FAT2: variants seen among roughly 807,000 people sequenced by gnomAD.
FAT2 encodes the protein FAT atypical cadherin 2, also known as protocadherin Fat 2.
FAT2 carries 150 observed loss-of-function variants against 295.3 expected under a neutral mutation model. The observed-to-expected ratio is 0.51, with a 90% CI of 0.44 to 0.58. The LOEUF is 0.58. Among genes scored for constraint, FAT2 ranks in the 20% least tolerant of loss-of-function variants. The pLI, the probability that FAT2 is intolerant of heterozygous loss-of-function variation, is 0.00. For synonymous variants in FAT2, 2,026 were observed against 2,150.3 expected (o/e 0.94, Z 1.60); for missense variants, 4,868 against 5,442.7 (o/e 0.89, Z 3.32).
intron 3 of FAT2, among the ~76,000 whole-genome samples, chr5:151,560,068 T>C (rs1302944761): frequency 6.6e-6 from 1 of 152,200 alleles, no homozygotes. Context: ...GTTTTCCAAC[T>C]GTTGTTGATT....
chr5:151,530,923 A>G (rs1754523951), intron 14 of FAT2, among the ~76,000 whole-genome samples: 1 of 152,162 alleles, frequency 6.6e-6, no homozygotes, highest in Admixed American at 6.6e-5. Context: ...AATTTTAAAA[A>G]ATATTGCTCA....
chr5:151,573,477 A>G (rs1014005733), intron 1 of FAT2, among the ~76,000 whole-genome samples: 12 of 151,996 alleles, frequency 7.9e-5, no homozygotes, highest in African/African-American at 2.9e-4. Flanking sequence ...AACATGGTGA[A>G]ACTCCGTCTC....
chr5:151,579,901 T>C lies in FAT2; in HGVS notation c.-20-10950A>G, dbSNP rs148860666. 2.8e-3 allele frequency among the ~76,000 whole-genome samples: 420 copies of C among 152,284 alleles called. 2 individuals carry two copies. The highest frequency in any genetic ancestry group is 5.2e-3 in the Admixed American group (80 of 15,308). On this transcript the variant is annotated intron_variant, in intron 1 of 23. Transcript: ENST00000261800. ...TTTTATAACTATCATTCTTCTTATG[T>C]TAAGCAGATTGAAATAGACCTGCTA...
Position 151,549,282 on chromosome 5 carries a change from C to T in FAT2, c.4789+13G>A, listed in dbSNP as rs569253629. 2 of 1,611,334 alleles carry T rather than the reference C, an allele frequency of 1.2e-6. No individual in the cohort carries two copies. Among genetic ancestry groups the T allele is most frequent in the South Asian group, 2.2e-5 (2 of 90,792 alleles). ...CTTGACCCATCCTCTGAGCTCATGG[C>T]CAGGCCTCTCACCTTTCAGGAGGGA... On this transcript the variant is annotated intron_variant, in intron 9 of 23. Transcript: ENST00000261800.
At chr5:151,527,030 G>T (rs1423100040) in intron 17 of FAT2, among the ~76,000 whole-genome samples, 4 of 152,238 alleles carry the variant, frequency 2.6e-5, no homozygotes, top group African/African-American at 9.6e-5. Context: ...TCTCAAATGA[G>T]GTAATGGATA....
chr5:151,576,648 T>C (rs921473158), intron 1 of FAT2, among the ~76,000 whole-genome samples: 3 of 152,200 alleles, frequency 2.0e-5, no homozygotes, highest in Non-Finnish European at 4.4e-5. Context: ...CACTTAACGA[T>C]GGGAATACAT....
intron 1 of FAT2, among the ~76,000 whole-genome samples, chr5:151,579,028 C>T (rs1172359533): frequency 6.6e-6 from 1 of 152,068 alleles, no homozygotes. Context: ...ATAAAATTTC[C>T]ATTTGGAGTT....
At chr5:151,524,358 G>A (rs953780248) in intron 18 of FAT2, among the ~76,000 whole-genome samples, 4 of 152,118 alleles carry the variant, frequency 2.6e-5, no homozygotes, top group Admixed American at 2.6e-4. Flanking sequence ...AAATTCATAT[G>A]TTAAAATCTA....
chr5:151,515,354 T>C (rs1180947922), intron 20 of FAT2, among the ~76,000 whole-genome samples: 1 of 152,218 alleles, frequency 6.6e-6, no homozygotes, highest in Non-Finnish European at 1.5e-5. Flanking sequence ...CTCTCTTCAA[T>C]CTACATTGCT....
At chr5:151,574,256 T>C (rs1405266703) in intron 1 of FAT2, among the ~76,000 whole-genome samples, 1 of 152,110 alleles carries the variant, frequency 6.6e-6, no homozygotes, top group Non-Finnish European at 1.5e-5. Flanking sequence ...CCGTGGACCT[T>C]TTTTCTCATC....
chr5:151,568,503 G>T lies in FAT2; in HGVS notation c.429C>A (p.Asp143Glu), dbSNP rs772160144. 6.2e-7 allele frequency: 1 copy of T among 1,614,160 alleles called. No individual in the cohort carries two copies. The highest frequency in any genetic ancestry group is 8.5e-7 in the Non-Finnish European group (1 of 1,180,034). Residue 143 changes from aspartate (D) to glutamate (E), a missense_variant, in exon 2 of 24, where the codon GAC becomes GAA. Transcript: ENST00000261800. Reference protein sequence around the residue: ...RVVVHILDQNDLKPLFSPPSY... With the variant: ...RVVVHILDQNELKPLFSPPSY... ...AAGGTGGAGAGAAGAGAGGCTTCAG[G>T]TCATTCTGGTCCAGGATGTGGACCA...
In FAT2 at chr5:151,512,829, G is replaced by C. The variant is rs147044570; in HGVS notation, c.11464-223C>G. ...ACCCCATGGGATGGTCTGGGTAGGG[G>C]GTGACATCTCCATTCACAGATGAGG... On this transcript the variant is annotated intron_variant, in intron 20 of 23. Coordinates refer to ENST00000261800, the MANE Select transcript of FAT2 (RefSeq NM_001447.3). The surrounding 1 kb of genome is among the most constrained non-coding windows in gnomAD (Gnocchi z 4.1). The C allele has an allele frequency of 4.6e-3, 2,632 of 569,158 alleles. 54 individuals carry two copies. The highest frequency in any genetic ancestry group is 0.043 in the African/African-American group (2,301 of 53,556). The allele number at this position is 569,158 out of a possible 1,614,324, so 35.3% of individuals were successfully genotyped here. A position where few individuals can be genotyped will look rare whatever the true frequency, so the allele number is the denominator to read the frequency against.
At position 151,567,247 on chromosome 5, in the gene FAT2, G is replaced by A; in HGVS notation, c.1685C>T (p.Pro562Leu). Residue 562 changes from proline to leucine, a missense_variant, in exon 2 of 24, where the codon CCT becomes CTT. By Grantham distance (98) the Pro-to-Leu change is moderately conservative (BLOSUM62 -3). Transcript: ENST00000261800. ...TGTACAGTTGACTTCTTCAAACATA[G>A]GCTGGTTGTCATTCAAGTTCCTGAG... ...LQLRNLNDNQ[P>L]MFEEVNCTGS... is the part of the protein sequence containing the mutation. 2 of 1,614,138 alleles carry A rather than the reference G, an allele frequency of 1.2e-6. No homozygotes were observed. The highest frequency in any genetic ancestry group is 1.7e-6 in the Non-Finnish European group (2 of 1,180,030).
At chr5:151,524,011 G>T (rs530047971) in intron 18 of FAT2, among the ~76,000 whole-genome samples, 1 of 152,012 alleles carries the variant, frequency 6.6e-6, no homozygotes, top group Non-Finnish European at 1.5e-5. Context: ...AAATATGTCC[G>T]AAATCTCTCC....
chr5:151,545,703 C>G lies in FAT2; in HGVS notation c.5424G>C (p.Glu1808Asp), dbSNP rs1756557395. The G allele has an allele frequency of 6.2e-7, 1 of 1,614,130 alleles. No homozygotes were observed. Residue 1808 changes from glutamate (E) to aspartate (D), a missense_variant, in exon 10 of 24, where the codon GAG (glutamate) becomes GAC (aspartate). Physicochemically the swap from Glu to Asp is conservative, Grantham distance 45. This residue lies in a region of FAT2 where 3,297 missense variants were observed against 3,669.4 expected (regional missense o/e 0.90). Coordinates refer to ENST00000261800, the MANE Select transcript of FAT2 (RefSeq NM_001447.3). ...GATCAATTTTGAAAAACTTCAAGGC[C>G]TCCGGCTCCAAAATTTTATAGACCA... ...SLLVYKILEP[E>D]ALKFFKIDPS...
In FAT2 at chr5:151,537,251, GAAT is replaced by G. The variant is rs139474257; in HGVS notation, c.9193+539_9193+541del. 8.1e-3 allele frequency among the ~76,000 whole-genome samples: 1,227 copies of G among 150,658 alleles called. 22 individuals are homozygous for G. Among genetic ancestry groups the G allele is most frequent in the African/African-American group, 0.029 (1,177 of 41,032 alleles). On this transcript the variant is annotated intron_variant, in intron 12 of 23. Coordinates refer to ENST00000261800, the MANE Select transcript of FAT2 (RefSeq NM_001447.3). ...GGAGGAGGAAGAAGAAGAAAAAGGA[GAAT>G]AATAAGAAGACGATGGTGGTGGTGG...
In FAT2 at chr5:151,544,949, T is replaced by A; in HGVS notation, c.6178A>T (p.Ile2060Phe). The A allele has an allele frequency of 1.9e-6, 3 of 1,614,200 alleles. No individual in the cohort carries two copies. Among genetic ancestry groups the A allele is most frequent in the Non-Finnish European group, 2.5e-6 (3 of 1,180,028 alleles). ...RVAQGLVRVS[I>F]EDVNDNPPKF... ...GGGGGATTGTCATTGACATCCTCAATAGAGACTCTGACCAAACCCTGAGCC... is the reference window on the plus strand; with the variant it reads ...GGGGGATTGTCATTGACATCCTCAAAAGAGACTCTGACCAAACCCTGAGCC... The change falls in exon 10 of 24, where the codon ATT becomes TTT. Residue 2060 changes from isoleucine (I) to phenylalanine (F), a missense_variant. Ile to Phe is a conservative substitution (Grantham distance 21). This residue lies in a region of FAT2 where 3,297 missense variants were observed against 3,669.4 expected (regional missense o/e 0.90). Transcript: ENST00000261800.
chr5:151,534,970 A>ATATATATATATATATATATATATATATAT (rs1755078921), intron 12 of FAT2, among the ~76,000 whole-genome samples: 21 of 106,388 alleles, frequency 2.0e-4, no homozygotes, highest in South Asian at 7.0e-4. Flanking sequence ...CTTCTAGGAA[A>ATATATATATATATATATATATATATATAT]ATATATATAT....
In FAT2 at chr5:151,528,119, A is replaced by G; in HGVS notation, c.10041T>C (p.Asp3347=). The G allele has an allele frequency of 6.2e-7, 1 of 1,614,026 alleles. No homozygotes were observed. Among genetic ancestry groups the G allele is most frequent in the Non-Finnish European group, 8.5e-7 (1 of 1,179,934 alleles). The change falls in exon 16 of 24, where the codon GAT becomes GAC. Residue 3347 remains aspartate, a synonymous_variant. Transcript: ENST00000261800. ...TGTCACTATTTAGGGGTCCATCTTC[A>G]TCAGTCGCTGATACCTGCGGTGGGG... The part of the protein sequence containing the change: ...GDVILTVSAT[D]EDGPLNSDIT...
Sources: gnomAD v4.1 joint callset for allele counts (sites outside exome capture counted in the v4.1 genomes callset) on GRCh38, gnomAD v4.1.1 for gene constraint, gnomAD v4.1.1 regional missense constraint, Gnocchi (gnomAD v3.1) non-coding constraint, MANE v1.5 for transcripts, NCBI Gene and HGNC (gene_info 2026-07-23, HGNC 2026-07-21) for gene names.